IP6K2: variants seen among roughly 807,000 people sequenced by gnomAD.
IP6K2 encodes the protein inositol hexakisphosphate kinase 2.
A neutral mutation model predicts 43.3 loss-of-function variants in IP6K2; 9 were observed. The observed-to-expected ratio is 0.21, with a 90% CI of 0.13 to 0.36. The LOEUF is 0.36. IP6K2 is among the 10% of genes least tolerant of loss of function. IP6K2 has a pLI of 1.00. For missense variants in IP6K2, 332 were observed against 538.4 expected, an observed-to-expected ratio of 0.62 and a Z score of 3.79; for synonymous variants, 209 against 202.4, an observed-to-expected ratio of 1.03 and a Z score of -0.28.
intron 1 of IP6K2, among the ~76,000 whole-genome samples, chr3:48,709,888 CTA>C (rs1162476021): frequency 6.6e-6 from 1 of 151,732 alleles, no homozygotes; most frequent in Non-Finnish European, 1.5e-5. Flanking sequence ...AGTCACAGCA[CTA>C]TGTCCTAATA....
chr3:48,710,888 CG>C lies in IP6K2; in HGVS notation c.-131+6268del, dbSNP rs371825432. 1.1e-4 allele frequency among the ~76,000 whole-genome samples: 16 copies of C among 152,228 alleles called. No individual in the cohort carries two copies. In the East Asian group the frequency reaches 2.1e-3, roughly 20 times the overall value. On this transcript the variant is annotated intron_variant, in intron 1 of 5. Transcript: ENST00000328631. The stretch of plus-strand genomic sequence containing the variant: ...CCGCCCAAAGTGCTGGGATTACAGG[CG>C]TGAGCCACCGCATCTGGCCTTGTTT...
At chr3:48,708,712 A>G (rs2080119432) in intron 1 of IP6K2, among the ~76,000 whole-genome samples, 1 of 152,138 alleles carries the variant, frequency 6.6e-6, no homozygotes, top group Admixed American at 6.6e-5. Context: ...AAAATTGCTT[A>G]CAGGTCTCAA....
At chr3:48,703,556 A>G (rs1314240197) in intron 1 of IP6K2, among the ~76,000 whole-genome samples, 29 of 151,388 alleles carry the variant, frequency 1.9e-4, no homozygotes, top group African/African-American at 6.8e-4. Flanking sequence ...TACAAAAAAA[A>G]AAAAAAAAAA....
intron 1 of IP6K2, chr3:48,715,450 TC>T: frequency 6.5e-7 from 1 of 1,535,916 alleles, no homozygotes; most frequent in Non-Finnish European, 8.7e-7. Context: ...CAGTGGTTGC[TC>T]CTTCTTTCCT....
At chr3:48,703,360 G>A (rs1200619409) in intron 1 of IP6K2, among the ~76,000 whole-genome samples, 2 of 152,080 alleles carry the variant, frequency 1.3e-5, no homozygotes, top group Non-Finnish European at 2.9e-5. Context: ...TTGATACTGA[G>A]GTCATATCCC....
intron 1 of IP6K2, chr3:48,715,348 A>C: frequency 6.5e-7 from 1 of 1,536,170 alleles, no homozygotes; most frequent in Non-Finnish European, 8.7e-7. Context: ...GTTCAGGCTC[A>C]TCCCTGTTGC....
rs532517964 is a variant in IP6K2, at chr3:48,714,827, G to A, written c.-131+2330C>T. ...CGCACCACTGCACTTCAGCCTGGGCGACAGAGAGAGACTCCGTCTCAAAAA... is the reference window on the plus strand; with the variant it reads ...CGCACCACTGCACTTCAGCCTGGGCAACAGAGAGAGACTCCGTCTCAAAAA... On this transcript the variant is annotated intron_variant, in intron 1 of 5. Coordinates refer to ENST00000328631, the MANE Select transcript of IP6K2 (RefSeq NM_016291.4). Among the ~76,000 whole-genome samples the A allele has an allele frequency of 3.5e-5, 4 of 112,800 alleles. No individual in the cohort carries two copies. The East Asian group carries it at 7.7e-4, about 22-fold the overall frequency. The allele number at this position is 112,800 out of a possible 152,430, so 74.0% of individuals were successfully genotyped here.
In IP6K2 at chr3:48,689,107, G is replaced by A. The variant is rs1193608349; in HGVS notation, c.781-334C>T. ...ATCTGAGAGAGGATCATGCAGGCAT[G>A]CATGCTTTCTTTTTTAACCAAAAAG... On this transcript the variant is annotated intron_variant, in intron 5 of 5. Transcript: ENST00000328631. Among the ~76,000 whole-genome samples the A allele has an allele frequency of 8.5e-5, 13 of 152,220 alleles. No individual in the cohort carries two copies. In the East Asian group the frequency reaches 2.5e-3, roughly 29 times the overall value.
intron 2 of IP6K2, chr3:48,694,192 A>C: frequency 1.3e-6 from 2 of 1,550,796 alleles, no homozygotes; most frequent in East Asian, 4.9e-5. Flanking sequence ...GGACCAGGGG[A>C]AAAAATGGGG....
chr3:48,711,162 C>T (rs2080470136), intron 1 of IP6K2, among the ~76,000 whole-genome samples: 2 of 152,196 alleles, frequency 1.3e-5, no homozygotes, highest in Non-Finnish European at 2.9e-5. Context: ...CCGCCTACCT[C>T]AGCCTCCTGA....
At chr3:48,715,586 T>A in intron 1 of IP6K2, 2 of 965,630 alleles carry the variant, frequency 2.1e-6, no homozygotes, top group Admixed American at 2.3e-5. Context: ...ATCTCCCAGG[T>A]CCCTGCCTTG....
At chr3:48,694,011 T>TGG in intron 2 of IP6K2, 59 of 1,381,688 alleles carry the variant, frequency 4.3e-5, no homozygotes, top group South Asian at 2.7e-4. Context: ...CTGAACACCT[T>TGG]TCCTCCCAGG....
In IP6K2 at chr3:48,695,334, T is replaced by A. The variant is rs1315884242; in HGVS notation, c.-43A>T. The A allele has an allele frequency of 6.3e-7, 1 of 1,582,270 alleles. No homozygotes were observed. Among genetic ancestry groups the A allele is most frequent in the African/African-American group, 1.4e-5 (1 of 74,020 alleles). ...CGGGGAGATGGGGGAGGCAGCGGAG[T>A]CCAGCGGCCAGTACGTCTTCTGTCT... On this transcript the variant is annotated 5_prime_UTR_variant, in exon 2 of 6. Coordinates refer to ENST00000328631, the MANE Select transcript of IP6K2 (RefSeq NM_016291.4). The surrounding 1 kb of genome is among the most constrained non-coding windows in gnomAD (Gnocchi z 4.6).
intron 1 of IP6K2, among the ~76,000 whole-genome samples, chr3:48,709,587 C>A (rs986999420): frequency 1.3e-5 from 2 of 152,080 alleles, no homozygotes; most frequent in African/African-American, 2.4e-5. Context: ...GCCTGTAATC[C>A]CAGCACTTTG....
chr3:48,715,195 T>TATA, intron 1 of IP6K2: 1 of 1,015,248 alleles, frequency 9.8e-7, no homozygotes. Context: ...CTTTCTAATG[T>TATA]ATAAGAGTGT....
At chr3:48,717,126 G>C (rs1245057692) in intron 1 of IP6K2, 31 bp downstream of exon 1, 2 of 154,754 alleles carry the variant, frequency 1.3e-5, no homozygotes, top group Non-Finnish European at 1.5e-5. Context: ...AAAGCTCCTC[G>C]GGCACTAGGG....
intron 3 of IP6K2, among the ~76,000 whole-genome samples, chr3:48,691,993 G>A (rs991046839): frequency 2.0e-5 from 3 of 151,782 alleles, no homozygotes; most frequent in Non-Finnish European, 2.9e-5. Flanking sequence ...CCACCACACC[G>A]GGCTAATTTT....
At chr3:48,717,080 G>A (rs968580010) in intron 1 of IP6K2, 77 bp downstream of exon 1, 5 of 154,816 alleles carry the variant, frequency 3.2e-5, no homozygotes, top group Non-Finnish European at 5.9e-5. Flanking sequence ...AATGATCAGA[G>A]ATCCCGTTTC....
intron 2 of IP6K2, chr3:48,694,560 A>G (rs1413023442): frequency 1.3e-6 from 2 of 1,523,454 alleles, no homozygotes; most frequent in African/African-American, 2.8e-5. Flanking sequence ...ATAAAAAATT[A>G]TCATATGTGA....
Sources: gnomAD v4.1 joint callset for allele counts (sites outside exome capture counted in the v4.1 genomes callset) on GRCh38, gnomAD v4.1.1 for gene constraint, Gnocchi (gnomAD v3.1) non-coding constraint, MANE v1.5 for transcripts, NCBI Gene and HGNC (gene_info 2026-07-23, HGNC 2026-07-21) for gene names.